Variants in RRM2 observed in about 807,000 individuals in gnomAD.
RRM2 encodes the protein ribonucleoside-diphosphate reductase subunit M2.
A neutral mutation model predicts 45.9 loss-of-function variants in RRM2; 6 were observed. The observed-to-expected ratio is 0.13, with a 90% CI of 0.07 to 0.26. The LOEUF is 0.26. Ranked by LOEUF, RRM2 falls within the 10% of genes least tolerant of loss-of-function variation. RRM2 has a pLI of 1.00. For missense variants in RRM2, 343 were observed against 489.5 expected (o/e 0.70, Z 2.82); for synonymous variants, 177 against 173.0 (o/e 1.02, Z -0.18).
At chr2:10,136,613 A>G (rs1470013166), upstream of RRM2, among the ~76,000 whole-genome samples, 1 of 152,148 alleles carries the variant, frequency 6.6e-6, no homozygotes, top group Non-Finnish European at 1.5e-5. Flanking sequence ...CTATAGAAAA[A>G]TTTTTAAAAA....
intron 3 of RRM2, among the ~76,000 whole-genome samples, chr2:10,159,274 T>C (rs547019841): frequency 3.3e-5 from 5 of 152,294 alleles, no homozygotes; most frequent in African/African-American, 1.2e-4. Context: ...ACCCAGACGA[T>C]GAGCAAAGCC....
At chr2:10,141,219 G>A (rs1663073773), upstream of RRM2, among the ~76,000 whole-genome samples, 1 of 152,136 alleles carries the variant, frequency 6.6e-6, no homozygotes, top group Admixed American at 6.5e-5. Context: ...CTTGGAGCCC[G>A]ATGGACCCAG....
At chr2:10,200,917 C>A (rs1471810632) in intron 3 of RRM2, among the ~76,000 whole-genome samples, 1 of 152,284 alleles carries the variant, frequency 6.6e-6, no homozygotes, top group Non-Finnish European at 1.5e-5. Context: ...GAGCCCGAGG[C>A]GGGCAGATCA....
In RRM2 at chr2:10,129,254, A is replaced by G. The variant is rs758099243; in HGVS notation, c.1038A>G (p.Pro346=). Residue 346 remains proline, a synonymous_variant, in exon 10 of 10, where the codon CCA becomes CCG. Transcript: ENST00000304567. This position sits in a 1 kb window ranked among gnomAD's most constrained non-coding sequence, Gnocchi z 4.8. The part of the protein sequence containing the change: ...GFSKVFRVEN[P]FDFMENISLE... ...TTCAGGTTTTCAGAGTAGAGAACCC[A>G]TTTGACTTTATGGAGAATATTTCAC... 4.1e-5 allele frequency: 66 copies of G among 1,613,902 alleles called. No homozygotes were observed. In the Admixed American group the frequency reaches 6.2e-4, roughly 15 times the overall value.
intron 2 of RRM2, 118 bp downstream of exon 2, chr2:10,123,175 GC>G: frequency 7.4e-7 from 1 of 1,348,418 alleles, no homozygotes; most frequent in Non-Finnish European, 9.9e-7. Flanking sequence ...CGCCTAGGCG[GC>G]CCCTCCCCAG....
Position 10,162,035 on chromosome 2 carries a change from A to G in RRM2, n.482+19660A>G, listed in dbSNP as rs551930095. Among the ~76,000 whole-genome samples the G allele has an allele frequency of 2.6e-5, 4 of 152,384 alleles. No individual in the cohort carries two copies. The South Asian group carries it at 8.3e-4, about 32-fold the overall frequency. ...GAAACCGAGGCTTGCGCCTGGCTGC[A>G]GACTTCCCTCTTCAGGCCCTTCTGG... is the stretch of plus-strand genomic sequence containing the variant. On this transcript the variant is annotated intron_variant and non_coding_transcript_variant, in intron 3 of 3. Transcript: ENST00000381786.
chr2:10,124,816 C>A lies in RRM2; in HGVS notation c.535C>A (p.Leu179Ile), dbSNP rs1369543904. Residue 179 changes from leucine (L) to isoleucine (I), a missense_variant, in exon 5 of 10, where the codon CTT (leucine) becomes ATT (isoleucine). Leu to Ile is a conservative substitution (Grantham distance 5, BLOSUM62 2). This residue lies in a region of RRM2 where 212 missense variants were observed against 368.1 expected (regional missense o/e 0.58). Transcript: ENST00000304567. ...ENIHSEMYSL[L>I]IDTYIKDPKE... ...CATACATTCTGAAATGTATAGTCTT[C>A]TTATTGACACTTACATAAAAGATCC... 1 of 1,604,828 alleles carries A rather than the reference C, an allele frequency of 6.2e-7. No individual in the cohort carries two copies. The highest frequency in any genetic ancestry group is 1.3e-5 in the African/African-American group (1 of 74,808).
chr2:10,197,364 G>A (rs1664438025), intron 3 of RRM2, among the ~76,000 whole-genome samples: 1 of 152,192 alleles, frequency 6.6e-6, no homozygotes, highest in African/African-American at 2.4e-5. Flanking sequence ...GTTTCGTCAT[G>A]TTCCTTCTGC....
Position 10,142,485 on chromosome 2 carries a change from AC to A in RRM2, n.482+114del, listed in dbSNP as rs895537059. The stretch of plus-strand genomic sequence containing the variant: ...AGCTCAGTGTACAGGGCCCCCACGC[AC>A]CCCTGCCAGGTCGGAAATCCAGGTA... On this transcript the variant is annotated intron_variant and non_coding_transcript_variant, in intron 3 of 3. Coordinates refer to the RRM2 transcript ENST00000381786. 8.5e-5 allele frequency: 96 copies of A among 1,132,994 alleles called. No individual in the cohort carries two copies. In the Admixed American group the frequency reaches 2.1e-3, roughly 24 times the overall value. The allele number at this position is 1,132,994 out of a possible 1,614,324, so 70.2% of individuals were successfully genotyped here. A position where few individuals can be genotyped will look rare whatever the true frequency, so the allele number is the denominator to read the frequency against.
upstream of RRM2, among the ~76,000 whole-genome samples, chr2:10,138,526 C>T (rs143263444): frequency 0.019 from 2,857 of 152,122 alleles, 91 homozygotes; most frequent in African/African-American, 0.066. Context: ...TGGTCTCGAA[C>T]TCCTGACCTC....
chr2:10,160,501 C>A (rs1663294687), intron 3 of RRM2, among the ~76,000 whole-genome samples: 1 of 152,248 alleles, frequency 6.6e-6, no homozygotes, highest in African/African-American at 2.4e-5. Context: ...GGGAGCCATG[C>A]AGACCAGGGA....
chr2:10,123,700 T>A, intron 3 of RRM2, 36 bp from the exon 4 acceptor site: 1 of 1,451,192 alleles, frequency 6.9e-7, no homozygotes, highest in South Asian at 1.2e-5. Flanking sequence ...TTTACTCTCT[T>A]CCTTTTATGC....
At chr2:10,179,408 C>G (rs1285918390) in intron 3 of RRM2, among the ~76,000 whole-genome samples, 1 of 152,200 alleles carries the variant, frequency 6.6e-6, no homozygotes, top group Non-Finnish European at 1.5e-5. Context: ...GCCTCGGCCT[C>G]CCAAAGTGCT....
intron 3 of RRM2, among the ~76,000 whole-genome samples, chr2:10,201,326 A>T (rs956789441): frequency 6.6e-6 from 1 of 152,218 alleles, no homozygotes; most frequent in Non-Finnish European, 1.5e-5. Context: ...CCAAACTGTC[A>T]AAAGCTGTTG....
chr2:10,161,614 A>G (rs114752460), intron 3 of RRM2, among the ~76,000 whole-genome samples: 3,014 of 152,242 alleles, frequency 0.02, 94 homozygotes, highest in African/African-American at 0.068. Context: ...ACACATTCAT[A>G]TGCATACTCA....
intron 3 of RRM2, among the ~76,000 whole-genome samples, chr2:10,167,035 A>G (rs1412118757): frequency 1.3e-5 from 2 of 151,918 alleles, no homozygotes; most frequent in African/African-American, 4.8e-5. Flanking sequence ...ACGGCTAAGA[A>G]CTCTGCCTTC....
intron 3 of RRM2, among the ~76,000 whole-genome samples, chr2:10,207,378 C>T (rs1664682596): frequency 6.6e-6 from 1 of 152,206 alleles, no homozygotes; most frequent in Non-Finnish European, 1.5e-5. Context: ...CTCTCCACAC[C>T]GAACCCGAGG....
chr2:10,202,906 G>GTTTTC (rs1328198840), intron 3 of RRM2, among the ~76,000 whole-genome samples: 2 of 151,810 alleles, frequency 1.3e-5, no homozygotes, highest in Non-Finnish European at 2.9e-5. Context: ...CCGTTGGCCC[G>GTTTTC]TTTTCTAAAG....
rs1663397322 is a variant in RRM2 at position 10,155,053 on chromosome 2, A to T, written n.482+12678A>T. The T allele has an allele frequency of 2.2e-5, 4 of 183,874 alleles. No individual in the cohort carries two copies. The South Asian group carries it at 2.7e-4, about 12-fold the overall frequency. 11.4% of individuals were successfully genotyped at this position (183,874 alleles called of 1,614,324 possible). ...TAAATTGCTCTGTAAAAAAAAAAAC[A>T]GTGGCTTTATATTCAAGACCATGTT... On this transcript the variant is annotated intron_variant and non_coding_transcript_variant, in intron 3 of 3. Transcript: ENST00000381786.
Sources: gnomAD v4.1 joint callset for allele counts (sites outside exome capture counted in the v4.1 genomes callset) on GRCh38, gnomAD v4.1.1 for gene constraint, gnomAD v4.1.1 regional missense constraint, Gnocchi (gnomAD v3.1) non-coding constraint, MANE v1.5 for transcripts, NCBI Gene and HGNC (gene_info 2026-07-23, HGNC 2026-07-21) for gene names.